The following SRD5A3 variants were observed in gnomAD, a reference collection of about 807,000 sequenced individuals.
SRD5A3 encodes the protein steroid 5 alpha-reductase 3.
Under a neutral mutation model 34.3 loss-of-function variants are expected in SRD5A3, and 24 were observed. The observed-to-expected ratio is 0.70, with a 90% confidence interval of 0.51 to 0.99. The LOEUF (loss-of-function observed/expected upper bound fraction) is 0.99. Ranked by LOEUF, SRD5A3 falls within the 50% of genes least tolerant of loss-of-function variation. The pLI is 0.00. For synonymous variants in SRD5A3, 161 were observed against 167.3 expected, an observed-to-expected ratio of 0.96 and a Z score of 0.29; for missense variants, 350 against 388.2, an observed-to-expected ratio of 0.90 and a Z score of 0.83.
chr4:55,367,687 A>T lies in SRD5A3; in HGVS notation c.662A>T (p.His221Leu), dbSNP rs546323913. 1 of 1,613,938 alleles carries T rather than the reference A, an allele frequency of 6.2e-7. No individual in the cohort carries two copies. The highest frequency in any genetic ancestry group is 1.3e-5 in the African/African-American group (1 of 75,048). ...TCATCTGCCCATCAGTATAAGTGCC[A>T]TGTTATTCTCGGCAATCTCAGGAAA... ...IWSSAHQYKC[H>L]VILGNLRKNK... is the part of the protein sequence containing the mutation. Residue 221 changes from histidine to leucine, a missense_variant, in exon 4 of 5, where the codon CAT becomes CTT. Physicochemically the swap from His to Leu is moderately conservative, Grantham distance 99 (BLOSUM62 -3). Around this residue, in one of 3 missense-constraint regions of SRD5A3, gnomAD observed 186 missense variants for 221.4 expected, o/e 0.84. Coordinates refer to ENST00000264228, the MANE Select transcript of SRD5A3 (RefSeq NM_024592.5).
At position 55,370,458 on chromosome 4, in the gene SRD5A3, CACACACACACACACAAAG is replaced by C. The variant is rs1431515830; in HGVS notation, c.*368_*385del. 1 of 313,360 alleles carries C rather than the reference CACACACACACACACAAAG, an allele frequency of 3.2e-6. No homozygotes were observed. The highest frequency in any genetic ancestry group is 2.2e-5 in the African/African-American group (1 of 44,536). The allele number at this position is 313,360 out of a possible 1,614,324, so 19.4% of individuals were successfully genotyped here. ...ACACACACACACACACACACACACA[CACACACACACACACAAAG>C]GAAGATCATCAATGGCTGCGGTAGC... On this transcript the variant is annotated 3_prime_UTR_variant, in exon 5 of 5. Transcript: ENST00000264228.
chr4:55,369,752 G>A, intron 4 of SRD5A3, 80 bp from the exon 5 acceptor site: 3 of 1,506,038 alleles, frequency 2.0e-6, no homozygotes, highest in Non-Finnish European at 2.7e-6. Flanking sequence ...AAAAAATTCT[G>A]TAAATGATTT....
At chr4:55,352,199 G>A (rs1442922674) in intron 1 of SRD5A3, 7 of 956,996 alleles carry the variant, frequency 7.3e-6, no homozygotes, top group Non-Finnish European at 1.0e-5. Flanking sequence ...TGGTATCAAT[G>A]AGGATGTGGT....
rs1462105724 is a variant in SRD5A3, at chr4:55,371,101, T to C, written c.*1010T>C. ...TTTTTACATCCTTTGAAGGGAGTGC[T>C]TCAAAAATGAAAGCATCAGAAGATA... is the stretch of plus-strand genomic sequence containing the variant. On this transcript the variant is annotated 3_prime_UTR_variant, in exon 5 of 5. Coordinates refer to ENST00000264228, the MANE Select transcript of SRD5A3 (RefSeq NM_024592.5). 1.3e-5 allele frequency: 2 copies of C among 152,200 alleles called. No individual in the cohort carries two copies. Among genetic ancestry groups the C allele is most frequent in the African/African-American group, 2.4e-5 (1 of 41,430 alleles). The allele number at this position is 152,200 out of a possible 1,614,324, so 9.4% of individuals were successfully genotyped here. A position where few individuals can be genotyped will look rare whatever the true frequency, so the allele number is the denominator to read the frequency against.
intron 1 of SRD5A3, among the ~76,000 whole-genome samples, chr4:55,350,760 A>AT (rs71194541): frequency 7.3e-5 from 7 of 95,392 alleles, no homozygotes; most frequent in African/African-American, 2.6e-4. Context: ...CCATCATTAA[A>AT]TTTTTTTTTT....
chr4:55,355,989 C>G (rs1238765976), intron 1 of SRD5A3, among the ~76,000 whole-genome samples: 1 of 118,600 alleles, frequency 8.4e-6, no homozygotes. Flanking sequence ...CCAATGCTTT[C>G]TTTTGCCTCC....
At chr4:55,346,668 G>A in intron 1 of SRD5A3, 111 bp downstream of exon 1, 2 of 1,045,576 alleles carry the variant, frequency 1.9e-6, no homozygotes, top group Non-Finnish European at 2.6e-6. Flanking sequence ...GGCCTGGGAG[G>A]CCCTGGCGGG....
At chr4:55,355,773 A>G (rs1277469551) in intron 1 of SRD5A3, among the ~76,000 whole-genome samples, 8 of 152,190 alleles carry the variant, frequency 5.3e-5, no homozygotes, top group Non-Finnish European at 1.2e-4. Flanking sequence ...ACATTGAATA[A>G]GTAACTTAAC....
chr4:55,357,995 C>G (rs1461816442), intron 1 of SRD5A3, among the ~76,000 whole-genome samples: 1 of 152,216 alleles, frequency 6.6e-6, no homozygotes, highest in Non-Finnish European at 1.5e-5. Context: ...CATTCTCTTA[C>G]AAGCACATTC....
intron 1 of SRD5A3, among the ~76,000 whole-genome samples, chr4:55,350,742 C>T (rs1186562973): frequency 2.0e-5 from 3 of 150,362 alleles, no homozygotes; most frequent in African/African-American, 7.3e-5. Context: ...AGATTTCGTA[C>T]CTTTTGACCA....
intron 2 of SRD5A3, among the ~76,000 whole-genome samples, chr4:55,362,554 G>C (rs568099788): frequency 6.6e-6 from 1 of 151,596 alleles, no homozygotes; most frequent in Non-Finnish European, 1.5e-5. Flanking sequence ...TCCTGGGCTC[G>C]AGCAGTCCTC....
Position 55,357,212 on chromosome 4 carries a change from C to T in SRD5A3, c.222-2134C>T, listed in dbSNP as rs1294450122. 3.9e-5 allele frequency among the ~76,000 whole-genome samples: 6 copies of T among 152,188 alleles called. No individual in the cohort carries two copies. The East Asian group carries it at 9.6e-4, about 24-fold the overall frequency. On this transcript the variant is annotated intron_variant, in intron 1 of 4. Coordinates refer to ENST00000264228, the MANE Select transcript of SRD5A3 (RefSeq NM_024592.5). ...GGTTTAGTTGTTGACCGTCTGACTC[C>T]CCACTCTAAGGTAAACTCCCATTAA...
At chr4:55,355,457 G>GAA (rs558288385) in intron 1 of SRD5A3, among the ~76,000 whole-genome samples, 13 of 127,310 alleles carry the variant, frequency 1.0e-4, no homozygotes, top group African/African-American at 3.5e-4. Context: ...GACTCCGTCT[G>GAA]AAAAAAAAAA....
At chr4:55,361,415 G>A (rs749920612) in intron 2 of SRD5A3, among the ~76,000 whole-genome samples, 2 of 148,910 alleles carry the variant, frequency 1.3e-5, no homozygotes, top group Non-Finnish European at 3.0e-5. Flanking sequence ...CCAAGAGGCA[G>A]AGGTTGCAGT....
At chr4:55,365,964 GTTC>G (rs1719881820) in intron 3 of SRD5A3, among the ~76,000 whole-genome samples, 3 of 152,198 alleles carry the variant, frequency 2.0e-5, no homozygotes, top group Non-Finnish European at 4.4e-5. Flanking sequence ...ATTTCACAGG[GTTC>G]TTCTTAAAGT....
rs1338535026 is a variant in SRD5A3 at position 55,353,054 on chromosome 4, G to GA, written c.222-6292_222-6291insA. On this transcript the variant is annotated intron_variant, in intron 1 of 4. Transcript: ENST00000264228. ...GTGTGGGAGGGGGAGGCATTGCATT[G>GA]TGTGATTTATGTTTTAAAGGATGAT... 9.2e-5 allele frequency among the ~76,000 whole-genome samples: 14 copies of GA among 152,310 alleles called. No individual in the cohort carries two copies. The East Asian group carries it at 2.5e-3, about 27-fold the overall frequency.
At chr4:55,368,591 A>G (rs1466059181) in intron 4 of SRD5A3, among the ~76,000 whole-genome samples, 7 of 150,246 alleles carry the variant, frequency 4.7e-5, no homozygotes, top group Non-Finnish European at 1.0e-4. Context: ...TGCCCAGCTA[A>G]TTTTTGTATT....
intron 1 of SRD5A3, 28 bp downstream of exon 1, chr4:55,346,585 G>A (rs775132353): frequency 2.6e-6 from 4 of 1,554,006 alleles, no homozygotes; most frequent in Admixed American, 3.7e-5. Flanking sequence ...CCGAGCCGCG[G>A]TGGTCAAGGC....
chr4:55,355,450 T>A, intron 1 of SRD5A3, among the ~76,000 whole-genome samples: 1 of 144,212 alleles, frequency 6.9e-6, no homozygotes, highest in African/African-American at 2.6e-5. Context: ...AGAGCGAGAC[T>A]CCGTCTGAAA....
Sources: allele counts gnomAD v4.1 joint callset (sites outside exome capture counted in the v4.1 genomes callset), GRCh38; gene constraint gnomAD v4.1.1; regional missense constraint gnomAD v4.1.1; transcripts MANE v1.5; gene names NCBI Gene and HGNC (gene_info 2026-07-23, HGNC 2026-07-21).